Variants in DNASE1 observed in about 807,000 individuals in gnomAD.
DNASE1 encodes the protein deoxyribonuclease 1.
In DNASE1, 40 loss-of-function variants were observed where a neutral mutation model predicts 33.9. That is an observed-to-expected ratio of 1.18 (90% CI 0.92 to 1.54). The LOEUF (loss-of-function observed/expected upper bound fraction) is 1.54. Among genes scored for constraint, DNASE1 ranks in the 40% most tolerant of loss-of-function variants. The pLI, the probability that DNASE1 is intolerant of heterozygous loss-of-function variation, is 0.00. For synonymous variants in DNASE1, 216 were observed against 160.0 expected, an observed-to-expected ratio of 1.35 and a Z score of -2.64; for missense variants, 518 against 372.6, an observed-to-expected ratio of 1.39 and a Z score of -3.21.
chr16:3,637,097 C>T (rs780977077), intron 1 of DNASE1, among the ~76,000 whole-genome samples: 1 of 150,790 alleles, frequency 6.6e-6, no homozygotes, highest in Non-Finnish European at 1.5e-5. Context: ...GCACTCCTGC[C>T]TGGGTGACAG....
chr16:3,612,805 C>T (rs186559801), intron 1 of DNASE1, among the ~76,000 whole-genome samples: 1 of 152,220 alleles, frequency 6.6e-6, no homozygotes, highest in Admixed American at 6.5e-5. Context: ...AAAGTGAGAG[C>T]GGCCCGAATT....
At chr16:3,660,023 A>C (rs1229364428), downstream of DNASE1, 6 of 152,180 alleles carry the variant, frequency 3.9e-5, no homozygotes, top group East Asian at 1.2e-3. Context: ...CACCGCACCC[A>C]ACCTAACAGA....
rs1258096639 is a variant in DNASE1, at chr16:3,617,036, A to C, written c.-1359+5030A>C. 3.9e-5 allele frequency among the ~76,000 whole-genome samples: 6 copies of C among 152,156 alleles called. No homozygotes were observed. In the East Asian group the frequency reaches 9.7e-4, roughly 25 times the overall value. On this transcript the variant is annotated intron_variant and NMD_transcript_variant, in intron 1 of 11. Coordinates refer to the DNASE1 transcript ENST00000570769. ...CCCAATGGAAGAGTGAAAACTATAA[A>C]ACTCTTAGAAGAATACAAGGGTAGG...
chr16:3,650,448 GC>G (rs1305779610), upstream of DNASE1, among the ~76,000 whole-genome samples: 1 of 151,928 alleles, frequency 6.6e-6, no homozygotes, highest in African/African-American at 2.4e-5. Context: ...TGATCTTTTG[GC>G]CCCAATGAGC....
At position 3,657,128 on chromosome 16, in the gene DNASE1, G is replaced by C; in HGVS notation, c.549+17G>C. The C allele has an allele frequency of 6.2e-7, 1 of 1,614,132 alleles. No homozygotes were observed. The highest frequency in any genetic ancestry group is 1.1e-5 in the South Asian group (1 of 91,082). On this transcript the variant is annotated intron_variant, in intron 6 of 8. Transcript: ENST00000246949. ...GGCTTGGAGGTGAGGCCCTCCCAGG[G>C]GCAGTGGGCACCAGCGGCCTCCGCA...
exon 10 of DNASE1, chr16:3,663,507 A>G (rs2050740083): frequency 6.2e-7 from 1 of 1,614,064 alleles, no homozygotes; most frequent in Non-Finnish European, 8.5e-7. Flanking sequence ...CTTCTTGTCA[A>G]ACTCACGAAG....
intron 1 of DNASE1, among the ~76,000 whole-genome samples, chr16:3,621,244 C>A (rs570497687): frequency 1.3e-5 from 2 of 152,060 alleles, no homozygotes; most frequent in Non-Finnish European, 2.9e-5. Context: ...TGCCACCACA[C>A]CCAACTGACT....
chr16:3,641,403 T>A (rs1567197894), upstream of DNASE1, among the ~76,000 whole-genome samples: 1 of 152,144 alleles, frequency 6.6e-6, no homozygotes, highest in Non-Finnish European at 1.5e-5. Flanking sequence ...AGGCAGAGCC[T>A]CTGTCTGCCC....
Position 3,657,953 on chromosome 16 carries a change from A to G in DNASE1, c.849A>G (p.Ter283TrpextTer8). 2.5e-6 allele frequency: 4 copies of G among 1,613,936 alleles called. No homozygotes were observed. The highest frequency in any genetic ancestry group is 2.2e-5 in the East Asian group (1 of 44,876). The change falls in exon 9 of 9, where the codon TGA becomes TGG. Residue 283 changes from the stop codon to tryptophan, a stop_lost. Transcript: ENST00000246949. ...DHYPVEVMLK* is the reference protein window; with the variant it reads ...DHYPVEVMLKW ...ATCCAGTGGAGGTGATGCTGAAGTGAGCAGCCCCTCCCCACACCAGTTGAA... is the reference window on the plus strand; with the variant it reads ...ATCCAGTGGAGGTGATGCTGAAGTGGGCAGCCCCTCCCCACACCAGTTGAA...
intron 1 of DNASE1, among the ~76,000 whole-genome samples, chr16:3,636,753 C>T (rs2041879163): frequency 6.7e-6 from 1 of 148,450 alleles, no homozygotes; most frequent in Non-Finnish European, 1.5e-5. Flanking sequence ...CCGGGAGGTG[C>T]AGGTTGCAGT....
intron 1 of DNASE1, among the ~76,000 whole-genome samples, chr16:3,648,479 A>G (rs1471454852): frequency 6.6e-6 from 1 of 152,128 alleles, no homozygotes; most frequent in Non-Finnish European, 1.5e-5. Context: ...GGAGAATGGC[A>G]TGAACCCCAG....
Position 3,656,664 on chromosome 16 carries a change from G to GCTACTACTACGATGA in DNASE1, c.348_362dup (p.Tyr117_Asp121dup), listed in dbSNP as rs1436181412. The GCTACTACTACGATGA allele has an allele frequency of 6.2e-7, 1 of 1,612,934 alleles. No homozygotes were observed. The highest frequency in any genetic ancestry group is 8.5e-7 in the Non-Finnish European group (1 of 1,179,614). ...CCTGACCAGGTGTCTGCGGTGGACA[G>GCTACTACTACGATGA]CTACTACTACGATGATGGCTGCGAG... On this transcript the variant is annotated inframe_insertion, in exon 5 of 9. Transcript: ENST00000246949.
intron 1 of DNASE1, among the ~76,000 whole-genome samples, chr16:3,620,956 C>T (rs1437049339): frequency 6.6e-6 from 1 of 151,958 alleles, no homozygotes; most frequent in Non-Finnish European, 1.5e-5. Flanking sequence ...GCCTGCACCA[C>T]ACCTGGTTAA....
rs777126816 is a variant in DNASE1 at position 3,657,067 on chromosome 16, C to G, written c.505C>G (p.Leu169Val). ...PGDAVAEIDA[L>V]YDVYLDVQEK... ...GGACGCAGTAGCCGAGATCGACGCT[C>G]TCTATGACGTCTACCTGGATGTCCA... The change falls in exon 6 of 9, where the codon CTC becomes GTC. Residue 169 changes from leucine to valine, a missense_variant. By Grantham distance (32) the Leu-to-Val change is conservative. Coordinates refer to ENST00000246949, the MANE Select transcript of DNASE1 (RefSeq NM_005223.4). 6.2e-7 allele frequency: 1 copy of G among 1,614,092 alleles called. No homozygotes were observed. The highest frequency in any genetic ancestry group is 8.5e-7 in the Non-Finnish European group (1 of 1,180,018).
downstream of DNASE1, chr16:3,662,352 TG>T: frequency 1.6e-6 from 1 of 625,476 alleles, no homozygotes; most frequent in South Asian, 2.0e-5. Flanking sequence ...TCCACCACCC[TG>T]GTGCCCCGCT....
chr16:3,651,352 G>C (rs1275532326), upstream of DNASE1: 2 of 152,204 alleles, frequency 1.3e-5, no homozygotes, highest in Non-Finnish European at 2.9e-5. Flanking sequence ...AGATCCTCGG[G>C]GTTGGTGTAA....
At chr16:3,618,198 A>G (rs997577278) in intron 1 of DNASE1, among the ~76,000 whole-genome samples, 2 of 151,968 alleles carry the variant, frequency 1.3e-5, no homozygotes, top group Non-Finnish European at 2.9e-5. Context: ...GAGAAGTGCA[A>G]ATTGAAACTG....
At chr16:3,647,422 T>A (rs1040582416) in intron 1 of DNASE1, among the ~76,000 whole-genome samples, 1 of 152,078 alleles carries the variant, frequency 6.6e-6, no homozygotes, top group Non-Finnish European at 1.5e-5. Context: ...TACAGATGTG[T>A]GCCTCCATGC....
At chr16:3,630,949 C>A (rs1368670004) in intron 1 of DNASE1, among the ~76,000 whole-genome samples, 2 of 152,048 alleles carry the variant, frequency 1.3e-5, no homozygotes, top group African/African-American at 4.8e-5. Flanking sequence ...AGAGTTTAAT[C>A]AATTTACACT....
Sources: allele counts gnomAD v4.1 joint callset (sites outside exome capture counted in the v4.1 genomes callset), GRCh38; gene constraint gnomAD v4.1.1; transcripts MANE v1.5; gene names NCBI Gene and HGNC (gene_info 2026-07-23, HGNC 2026-07-21).